The following FMN1 variants were observed in gnomAD, a reference collection of about 807,000 sequenced individuals.
The protein encoded by FMN1 is formin-1.
FMN1 carries 110 observed loss-of-function variants against 132.4 expected under a neutral mutation model. The observed-to-expected ratio is 0.83, with a 90% CI of 0.71 to 0.97. The LOEUF is 0.97. FMN1 is among the 50% of genes least tolerant of loss of function. The pLI is 0.00. For missense variants in FMN1, 1,792 were observed against 1,705.3 expected (o/e 1.05, Z -0.90); for synonymous variants, 722 against 651.7 (o/e 1.11, Z -1.64).
At chr15:32,965,401 A>G (rs920227131) in intron 8 of FMN1, among the ~76,000 whole-genome samples, 3 of 152,176 alleles carry the variant, frequency 2.0e-5, no homozygotes, top group African/African-American at 7.2e-5. Flanking sequence ...GTCCATCTCA[A>G]AAATAATAAT....
At chr15:32,817,449 C>A (rs765405689) in intron 17 of FMN1, among the ~76,000 whole-genome samples, 1 of 152,130 alleles carries the variant, frequency 6.6e-6, no homozygotes, top group Admixed American at 6.5e-5. Flanking sequence ...AGGTTTAAAA[C>A]GGGTCCACTA....
Position 33,128,074 on chromosome 15 carries a change from G to A in FMN1, c.1867+24974C>T, listed in dbSNP as rs189749801. On this transcript the variant is annotated intron_variant, in intron 4 of 20. Coordinates refer to ENST00000616417, the MANE Select transcript of FMN1 (RefSeq NM_001277313.2). ...AGGTGACAGAAAGGACAAAAAAGAT[G>A]GGAGAAGAAAACCAAGAATGAGGCC... Among the ~76,000 whole-genome samples the A allele has an allele frequency of 8.5e-5, 13 of 152,190 alleles. No homozygotes were observed. The East Asian group carries it at 2.1e-3, about 25-fold the overall frequency.
intron 10 of FMN1, among the ~76,000 whole-genome samples, chr15:32,922,632 T>C (rs1352973070): frequency 6.6e-6 from 1 of 152,170 alleles, no homozygotes; most frequent in African/African-American, 2.4e-5. Flanking sequence ...CATGATCTAT[T>C]TGTGGGAGAC....
intron 5 of FMN1, among the ~76,000 whole-genome samples, chr15:33,070,505 T>C (rs1205823385): frequency 6.6e-6 from 1 of 151,858 alleles, no homozygotes; most frequent in Non-Finnish European, 1.5e-5. Flanking sequence ...GAACAGATGC[T>C]GGAAGGGGCT....
At chr15:32,980,968 C>T (rs912464505) in intron 7 of FMN1, among the ~76,000 whole-genome samples, 6 of 152,108 alleles carry the variant, frequency 3.9e-5, no homozygotes, top group African/African-American at 1.4e-4. Context: ...AAGCAGAGAT[C>T]GTGCCACTGC....
At chr15:32,887,314 G>A (rs1006938228) in intron 16 of FMN1, among the ~76,000 whole-genome samples, 1 of 151,930 alleles carries the variant, frequency 6.6e-6, no homozygotes, top group African/African-American at 2.4e-5. Context: ...ACATTAACAC[G>A]CTCTCTAAAT....
At chr15:32,957,639 C>A (rs2029965420) in intron 9 of FMN1, among the ~76,000 whole-genome samples, 2 of 152,178 alleles carry the variant, frequency 1.3e-5, no homozygotes, top group South Asian at 4.2e-4. Context: ...ACCTTAAAAA[C>A]CTTGGGAATC....
intron 16 of FMN1, chr15:32,860,823 G>C (rs760321751): frequency 2.6e-5 from 4 of 152,140 alleles, no homozygotes; most frequent in African/African-American, 9.7e-5. Flanking sequence ...ATGATCTAAG[G>C]TTTGAGTGTA....
At chr15:32,837,722 G>A (rs1424314345) in intron 17 of FMN1, among the ~76,000 whole-genome samples, 2 of 152,116 alleles carry the variant, frequency 1.3e-5, no homozygotes, top group Non-Finnish European at 2.9e-5. Context: ...AGATATATAG[G>A]GTCTTTTAGA....
chr15:32,850,575 A>G (rs1260492780), intron 17 of FMN1, among the ~76,000 whole-genome samples: 2 of 152,188 alleles, frequency 1.3e-5, no homozygotes, highest in African/African-American at 4.8e-5. Context: ...ACATTACACA[A>G]TTCAAGCTGT....
At chr15:33,128,269 G>A (rs991095190) in intron 4 of FMN1, among the ~76,000 whole-genome samples, 1 of 152,148 alleles carries the variant, frequency 6.6e-6, no homozygotes. Context: ...GCAATAATTA[G>A]AAGCGCAACA....
At chr15:33,116,515 G>C (rs1049773544) in intron 4 of FMN1, among the ~76,000 whole-genome samples, 3 of 152,112 alleles carry the variant, frequency 2.0e-5, no homozygotes, top group Admixed American at 6.5e-5. Context: ...TTCTTGTTCT[G>C]GGGGCTGATT....
At chr15:32,802,125 G>A (rs2057500992) in intron 18 of FMN1, among the ~76,000 whole-genome samples, 1 of 152,216 alleles carries the variant, frequency 6.6e-6, no homozygotes. Flanking sequence ...AATTTTAGAA[G>A]ATTGATTTCT....
intron 7 of FMN1, among the ~76,000 whole-genome samples, chr15:32,988,215 T>G (rs1273607171): frequency 6.6e-6 from 1 of 152,024 alleles, no homozygotes; most frequent in Non-Finnish European, 1.5e-5. Flanking sequence ...ATCTGAGAAT[T>G]AGAAAATAAT....
intron 17 of FMN1, among the ~76,000 whole-genome samples, chr15:32,849,949 G>A (rs1274036365): frequency 2.0e-5 from 3 of 152,180 alleles, no homozygotes; most frequent in African/African-American, 4.8e-5. Context: ...AAGCCACTGC[G>A]CCTAGCCAAA....
chr15:32,815,577 T>C (rs2058035707), intron 17 of FMN1, among the ~76,000 whole-genome samples: 1 of 152,232 alleles, frequency 6.6e-6, no homozygotes. Context: ...CCCCTCATGC[T>C]ATAGTTTAAA....
intron 4 of FMN1, among the ~76,000 whole-genome samples, chr15:33,134,406 T>C (rs1963675383): frequency 6.6e-6 from 1 of 152,160 alleles, no homozygotes; most frequent in Non-Finnish European, 1.5e-5. Context: ...TCACCCCAAA[T>C]TACCCAGTGA....
chr15:32,948,291 CA>C (rs143337957), intron 9 of FMN1, among the ~76,000 whole-genome samples: 4,882 of 151,938 alleles, frequency 0.032, 247 homozygotes, highest in African/African-American at 0.11. Context: ...AATTATCAAA[CA>C]TTTTTTTATA....
rs776361737 is a variant in FMN1, at chr15:32,968,776, G to A, written c.2925C>T (p.Ala975=). 2 of 1,613,368 alleles carry A rather than the reference G, an allele frequency of 1.2e-6. No individual in the cohort carries two copies. Among genetic ancestry groups the A allele is most frequent in the South Asian group, 2.2e-5 (2 of 91,000 alleles). ...SSSSQCPRKP[A]IEPSCPMKPL... ...GCTTCATGGGACAACTGGGCTCGAT[G>A]GCTGGTTTTCGAGGACATTGACTGG... Residue 975 remains alanine, a synonymous_variant, in exon 8 of 21, where the codon GCC becomes GCT. Coordinates refer to ENST00000616417, the MANE Select transcript of FMN1 (RefSeq NM_001277313.2).
Sources: allele counts gnomAD v4.1 joint callset (sites outside exome capture counted in the v4.1 genomes callset), GRCh38; gene constraint gnomAD v4.1.1; transcripts MANE v1.5; gene names NCBI Gene and HGNC (gene_info 2026-07-23, HGNC 2026-07-21).